RAG1: variants seen among roughly 807,000 people sequenced by gnomAD.
RAG1 encodes the protein V(D)J recombination-activating protein 1.
RAG1 carries 35 observed loss-of-function variants against 62.7 expected under a neutral mutation model. The ratio of observed to expected loss-of-function variants is 0.56; its 90% CI spans 0.43 to 0.74. The LOEUF is 0.74. Ranked by LOEUF, RAG1 falls within the 30% of genes least tolerant of loss-of-function variation. The pLI, the probability that RAG1 is intolerant of heterozygous loss-of-function variation, is 0.00. For synonymous variants in RAG1, 461 were observed against 470.3 expected (o/e 0.98, Z 0.26); for missense variants, 1,169 against 1,278.6 (o/e 0.91, Z 1.31).
At chr11:36,551,791 T>C (rs916193444) in intron 3 of RAG1, among the ~76,000 whole-genome samples, 3 of 141,454 alleles carry the variant, frequency 2.1e-5, no homozygotes, top group African/African-American at 7.9e-5. Flanking sequence ...CAGAGTGTGA[T>C]ATTCCCCTTC....
At chr11:36,549,460 G>T (rs181964276) in intron 3 of RAG1, among the ~76,000 whole-genome samples, 2 of 152,114 alleles carry the variant, frequency 1.3e-5, no homozygotes, top group South Asian at 2.1e-4. Flanking sequence ...AAAAGTGGGC[G>T]AAGGATATGA....
At position 36,576,376 on chromosome 11, in the gene RAG1, C is replaced by CT. The variant is rs1564990390; in HGVS notation, c.3074dup (p.Leu1025PhefsTer40). The CT allele has an allele frequency of 3.1e-6, 5 of 1,614,080 alleles. No individual in the cohort carries two copies. In the East Asian group the frequency reaches 8.9e-5, roughly 29 times the overall value. Reference sequence around the variant, plus strand: ...GGTTTACCATGAACCCTCAGGCAAGCTTAGGGGACCCATTAGGCATAGAGG... The same window carrying CT: ...GGTTTACCATGAACCCTCAGGCAAGCTTTAGGGGACCCATTAGGCATAGAGG... On this transcript the variant is annotated frameshift_variant, in exon 2 of 2. Coordinates refer to ENST00000299440, the MANE Select transcript of RAG1 (RefSeq NM_000448.3). LOFTEE classifies it high-confidence loss of function.
chr11:36,514,798 G>A (rs1859973934), intron 1 of RAG1, among the ~76,000 whole-genome samples: 1 of 152,234 alleles, frequency 6.6e-6, no homozygotes, highest in African/African-American at 2.4e-5. Context: ...GGGAGTGGCT[G>A]TAAATACAGA....
chr11:36,576,134 G>C lies in RAG1; in HGVS notation c.2830G>C (p.Ala944Pro). ...CACCAATTATTTTCACAAAACCCTGGCCCATGTTCCTGAAATTATTGAGAG... is the reference window on the plus strand; with the variant it reads ...CACCAATTATTTTCACAAAACCCTGCCCCATGTTCCTGAAATTATTGAGAG... ...KITNYFHKTL[A>P]HVPEIIERDG... is the part of the protein sequence containing the mutation. Residue 944 changes from alanine to proline, a missense_variant, in exon 2 of 2, where the codon GCC becomes CCC. Physicochemically the swap from Ala to Pro is conservative, Grantham distance 27 (BLOSUM62 -1). Transcript: ENST00000299440. The C allele has an allele frequency of 6.2e-7, 1 of 1,614,024 alleles. No individual in the cohort carries two copies. The highest frequency in any genetic ancestry group is 8.5e-7 in the Non-Finnish European group (1 of 1,180,030).
At chr11:36,521,924 A>C (rs1416099709) in intron 2 of RAG1, among the ~76,000 whole-genome samples, 1 of 152,090 alleles carries the variant, frequency 6.6e-6, no homozygotes, top group East Asian at 1.9e-4. Flanking sequence ...AACTTAAGAG[A>C]GATGATTTAG....
chr11:36,561,859 T>C (rs555770938), intron 3 of RAG1, among the ~76,000 whole-genome samples: 1 of 152,340 alleles, frequency 6.6e-6, no homozygotes, highest in South Asian at 2.1e-4. Flanking sequence ...TCTCTCTCTA[T>C]TTTATTGGCT....
chr11:36,552,102 A>AAAT (rs1850496255), intron 3 of RAG1, among the ~76,000 whole-genome samples: 1 of 5,634 alleles, frequency 1.8e-4, no homozygotes. Flanking sequence ...CATGATTTAT[A>AAAT]CTCATTTGGG....
intron 3 of RAG1, among the ~76,000 whole-genome samples, chr11:36,551,529 T>G (rs1453843871): frequency 6.6e-6 from 1 of 152,012 alleles, no homozygotes; most frequent in Non-Finnish European, 1.5e-5. Context: ...TGTGTTCTAA[T>G]CTCTTTTTCT....
At chr11:36,517,906 T>TATACA (rs1408561165) in intron 1 of RAG1, among the ~76,000 whole-genome samples, 2 of 152,142 alleles carry the variant, frequency 1.3e-5, no homozygotes, top group East Asian at 3.9e-4. Context: ...GTTACATATG[T>TATACA]ATACATGTGC....
At chr11:36,515,712 C>A (rs1490264345) in intron 1 of RAG1, among the ~76,000 whole-genome samples, 1 of 152,034 alleles carries the variant, frequency 6.6e-6, no homozygotes, top group Non-Finnish European at 1.5e-5. Context: ...CAGGGAGGCT[C>A]CCGGGGAGAC....
At chr11:36,532,855 A>G (rs559677872) in intron 2 of RAG1, among the ~76,000 whole-genome samples, 152 of 152,272 alleles carry the variant, frequency 1.0e-3, no homozygotes, top group African/African-American at 3.0e-3. Context: ...ATTACAGTAC[A>G]TTGTTATAGT....
chr11:36,549,223 C>T (rs1376311212), intron 3 of RAG1, among the ~76,000 whole-genome samples: 2 of 152,292 alleles, frequency 1.3e-5, no homozygotes, highest in Non-Finnish European at 2.9e-5. Context: ...GCAAAGACTT[C>T]ATGACTAAAA....
chr11:36,562,902 C>T (rs1232923668), intron 3 of RAG1, among the ~76,000 whole-genome samples: 1 of 152,030 alleles, frequency 6.6e-6, no homozygotes, highest in Non-Finnish European at 1.5e-5. Flanking sequence ...ATTGTGTGAT[C>T]CAATTCCCAT....
At chr11:36,548,514 C>A (rs745385577) in intron 3 of RAG1, among the ~76,000 whole-genome samples, 6 of 152,128 alleles carry the variant, frequency 3.9e-5, no homozygotes, top group Non-Finnish European at 7.3e-5. Context: ...AGTGAACTCC[C>A]ATTCACAATT....
At chr11:36,525,304 A>G (rs1197545783) in intron 2 of RAG1, among the ~76,000 whole-genome samples, 1 of 152,178 alleles carries the variant, frequency 6.6e-6, no homozygotes, top group Non-Finnish European at 1.5e-5. Context: ...TACTGTAGCT[A>G]TATAATAAGT....
At chr11:36,559,217 TA>T (rs1475036869) in intron 3 of RAG1, among the ~76,000 whole-genome samples, 4 of 152,208 alleles carry the variant, frequency 2.6e-5, no homozygotes, top group African/African-American at 9.6e-5. Flanking sequence ...ATGCTGTTAG[TA>T]TAATGAAGAT....
intron 2 of RAG1, among the ~76,000 whole-genome samples, chr11:36,524,267 C>A (rs1247668395): frequency 1.3e-5 from 2 of 150,890 alleles, no homozygotes; most frequent in Non-Finnish European, 2.9e-5. Flanking sequence ...GTGCAGCACA[C>A]CAACATGGCA....
In RAG1 at chr11:36,550,304, T is replaced by G. The variant is rs575329099; in HGVS notation, c.-411-13081T>G. ...TTTTTGGTTTTCCAGTTAAGAATTG[T>G]ATACCAAATCAAAAGATGGTCAGTT... On this transcript the variant is annotated intron_variant and NMD_transcript_variant, in intron 3 of 9. Transcript: ENST00000534663. Among the ~76,000 whole-genome samples, 5 of 151,948 alleles carry G rather than the reference T, an allele frequency of 3.3e-5. No individual in the cohort carries two copies. In the East Asian group the frequency reaches 7.7e-4, roughly 23 times the overall value.
chr11:36,511,707 T>C (rs761332497), intron 1 of RAG1, among the ~76,000 whole-genome samples: 2 of 152,138 alleles, frequency 1.3e-5, no homozygotes, highest in Admixed American at 6.5e-5. Flanking sequence ...AATAAAACAT[T>C]GCCAGCCTTT....
Sources: gnomAD v4.1 joint callset for allele counts (sites outside exome capture counted in the v4.1 genomes callset) on GRCh38, gnomAD v4.1.1 for gene constraint, MANE v1.5 for transcripts, NCBI Gene and HGNC (gene_info 2026-07-23, HGNC 2026-07-21) for gene names.